MET: variants seen among roughly 807,000 people sequenced by gnomAD.
MET encodes hepatocyte growth factor receptor.
A neutral mutation model predicts 133.1 loss-of-function variants in MET; 48 were observed. That is an observed-to-expected ratio of 0.36 (90% CI 0.29 to 0.46). MET has a LOEUF of 0.46. MET is among the 20% of genes least tolerant of loss of function. The pLI is 1.00. For synonymous variants in MET, 628 were observed against 616.5 expected (o/e 1.02, Z -0.28); for missense variants, 1,442 against 1,695.9 (o/e 0.85, Z 2.63).
intron 2 of MET, among the ~76,000 whole-genome samples, chr7:116,726,327 T>C (rs1792784619): frequency 6.6e-6 from 1 of 150,736 alleles, no homozygotes; most frequent in Non-Finnish European, 1.5e-5. Context: ...TGTTTGTCTT[T>C]CCTTTGCCTG....
At chr7:116,787,557 C>A (rs1350070170) in intron 19 of MET, among the ~76,000 whole-genome samples, 2 of 152,160 alleles carry the variant, frequency 1.3e-5, no homozygotes, top group African/African-American at 4.8e-5. Context: ...AAGAGGTGAA[C>A]AGATTCTCTA....
At chr7:116,743,553 C>T (rs925290877) in intron 5 of MET, among the ~76,000 whole-genome samples, 1 of 152,202 alleles carries the variant, frequency 6.6e-6, no homozygotes, top group Admixed American at 6.5e-5. Context: ...GAGGGGTGTC[C>T]ACCATTACTG....
At chr7:116,792,999 G>A (rs559208441) in intron 19 of MET, among the ~76,000 whole-genome samples, 11 of 152,108 alleles carry the variant, frequency 7.2e-5, no homozygotes, top group East Asian at 1.9e-4. Flanking sequence ...ATAGGCTTCC[G>A]TATTGTAGGT....
chr7:116,796,217 G>A lies in MET; in HGVS notation c.*93G>A. On this transcript the variant is annotated 3_prime_UTR_variant, in exon 21 of 21. Coordinates refer to ENST00000397752, the MANE Select transcript of MET (RefSeq NM_000245.4). ...AAGGCCATCGATATTCTTTGCTCTT[G>A]CCAAAATTGCACTATTATAGGACTT... 2 of 1,143,970 alleles carry A rather than the reference G, an allele frequency of 1.7e-6. No homozygotes were observed. Among genetic ancestry groups the A allele is most frequent in the Non-Finnish European group, 1.3e-6 (1 of 762,298 alleles). 70.9% of individuals were successfully genotyped at this position (1,143,970 alleles called of 1,614,324 possible).
At chr7:116,704,498 A>G (rs964220306) in intron 2 of MET, among the ~76,000 whole-genome samples, 1 of 152,166 alleles carries the variant, frequency 6.6e-6, no homozygotes, top group Non-Finnish European at 1.5e-5. Context: ...GCGTAAAGAA[A>G]GACAAATTCA....
intron 14 of MET, among the ~76,000 whole-genome samples, chr7:116,774,658 G>A (rs2117027253): frequency 6.6e-6 from 1 of 152,310 alleles, no homozygotes; most frequent in South Asian, 2.1e-4. Flanking sequence ...AGAGAGAAAT[G>A]TCTAAGGAAA....
At chr7:116,685,999 C>G (rs530112006) in intron 1 of MET, among the ~76,000 whole-genome samples, 1 of 152,098 alleles carries the variant, frequency 6.6e-6, no homozygotes, top group Non-Finnish European at 1.5e-5. Context: ...CCACCAGGGT[C>G]CCCCTCCTGG....
rs1554398900 is a variant in MET, at chr7:116,775,052, A to G, written c.3200A>G (p.Gln1067Arg). 2.5e-6 allele frequency: 4 copies of G among 1,614,122 alleles called. No individual in the cohort carries two copies. The highest frequency in any genetic ancestry group is 3.4e-6 in the Non-Finnish European group (4 of 1,180,036). ...AATCCAGAGCTGGTCCAGGCAGTGC[A>G]GCATGTAGTGATTGGGCCCAGTAGC... Reference protein sequence around the residue: ...ALNPELVQAVQHVVIGPSSLI... With the variant: ...ALNPELVQAVRHVVIGPSSLI... The change falls in exon 15 of 21, where the codon CAG becomes CGG. Residue 1067 changes from glutamine (Q) to arginine (R), a missense_variant. By Grantham distance (43) the Gln-to-Arg change is conservative (BLOSUM62 1). Around this residue, in one of 6 missense-constraint regions of MET, gnomAD observed 514 missense variants for 659.6 expected, o/e 0.78. Transcript: ENST00000397752.
chr7:116,781,016 A>G (rs1017581079), intron 17 of MET, among the ~76,000 whole-genome samples: 8 of 152,198 alleles, frequency 5.3e-5, no homozygotes, highest in African/African-American at 1.9e-4. Flanking sequence ...TGTGCAAACC[A>G]ACCAATCCAG....
chr7:116,725,467 TA>T (rs1406051361), intron 2 of MET, among the ~76,000 whole-genome samples: 7 of 146,200 alleles, frequency 4.8e-5, no homozygotes, highest in Non-Finnish European at 9.0e-5. Context: ...ATGATATACA[TA>T]TATATATATA....
intron 15 of MET, among the ~76,000 whole-genome samples, chr7:116,775,662 G>T (rs1794971384): frequency 1.3e-5 from 2 of 152,198 alleles, no homozygotes; most frequent in Non-Finnish European, 2.9e-5. Context: ...AGCCAAGGTT[G>T]TGCCACAGCA....
At chr7:116,695,551 C>T (rs1796932112) in intron 1 of MET, among the ~76,000 whole-genome samples, 1 of 152,180 alleles carries the variant, frequency 6.6e-6, no homozygotes, top group South Asian at 2.1e-4. Context: ...GGGCTAGAAT[C>T]AGAGGGCTGA....
chr7:116,741,714 C>G (rs895578036), intron 5 of MET, among the ~76,000 whole-genome samples: 1 of 152,200 alleles, frequency 6.6e-6, no homozygotes, highest in Admixed American at 6.5e-5. Flanking sequence ...AAAGGCTCAA[C>G]GGATGACTAT....
chr7:116,758,434 C>A (rs1794270876), intron 8 of MET, 25 bp from the exon 9 acceptor site: 4 of 1,605,586 alleles, frequency 2.5e-6, no homozygotes, highest in African/African-American at 1.3e-5. Flanking sequence ...AGCTAAAATT[C>A]ACTTCCTTAA....
intron 2 of MET, among the ~76,000 whole-genome samples, chr7:116,704,165 T>C (rs999406265): frequency 6.6e-6 from 1 of 152,100 alleles, no homozygotes; most frequent in Non-Finnish European, 1.5e-5. Flanking sequence ...ATTGGTATCA[T>C]GCAGATAACA....
At chr7:116,715,678 A>G (rs1364174663) in intron 2 of MET, among the ~76,000 whole-genome samples, 1 of 152,196 alleles carries the variant, frequency 6.6e-6, no homozygotes, top group African/African-American at 2.4e-5. Flanking sequence ...CCTCAAAACA[A>G]ATCTGTTATG....
chr7:116,752,883 T>G lies in MET; in HGVS notation c.1702-2472T>G, dbSNP rs183186610. Among the ~76,000 whole-genome samples the G allele has an allele frequency of 5.8e-4, 89 of 152,248 alleles. 1 individual carries two copies. Among genetic ancestry groups the G allele is most frequent in the African/African-American group, 2.0e-3 (84 of 41,550 alleles). ...CGTTTTCAGTGGGGAAGCCTCCTCA[T>G]TAGAAGAGCCGGCAGCAGCTGTGTG... On this transcript the variant is annotated intron_variant, in intron 5 of 20. Transcript: ENST00000397752.
intron 1 of MET, among the ~76,000 whole-genome samples, chr7:116,686,706 C>T (rs1399047858): frequency 3.9e-5 from 6 of 152,210 alleles, no homozygotes; most frequent in African/African-American, 9.6e-5. Flanking sequence ...GATCCTTCAA[C>T]AAAACATATC....
chr7:116,796,042 C>T lies in MET; in HGVS notation c.4091C>T (p.Pro1364Leu), dbSNP rs752791731. The T allele has an allele frequency of 4.3e-5, 69 of 1,613,828 alleles. 1 individual carries two copies. In the African/African-American group the frequency reaches 4.9e-4, roughly 12 times the overall value. Reference protein sequence around the residue: ...ATYVNVKCVAPYPSLLSSEDN... With the variant: ...ATYVNVKCVALYPSLLSSEDN... ...TATGTGAACGTAAAATGTGTCGCTC[C>T]GTATCCTTCTCTGTTGTCATCAGAA... Residue 1364 changes from proline to leucine, a missense_variant, in exon 21 of 21, where the codon CCG becomes CTG. This residue lies in a region of MET where 94 missense variants were observed against 109.5 expected (regional missense o/e 0.86). Coordinates refer to ENST00000397752, the MANE Select transcript of MET (RefSeq NM_000245.4).
Sources: allele counts gnomAD v4.1 joint callset (sites outside exome capture counted in the v4.1 genomes callset), GRCh38; gene constraint gnomAD v4.1.1; regional missense constraint gnomAD v4.1.1; transcripts MANE v1.5; gene names NCBI Gene and HGNC (gene_info 2026-07-23, HGNC 2026-07-21).